CRPPA: variants seen among roughly 807,000 people sequenced by gnomAD.
CRPPA encodes the protein CDP-L-ribitol pyrophosphorylase A, also known as D-ribitol-5-phosphate cytidylyltransferase.
In CRPPA, 43 loss-of-function variants were observed where a neutral mutation model predicts 52.0. The observed-to-expected ratio is 0.83, with a 90% CI of 0.65 to 1.07. The LOEUF is 1.07. CRPPA is among the 50% of genes least tolerant of loss of function. The pLI, the probability that CRPPA is intolerant of heterozygous loss-of-function variation, is 0.00. For missense variants in CRPPA, 629 were observed against 551.7 expected (o/e 1.14, Z -1.40); for synonymous variants, 250 against 203.5 (o/e 1.23, Z -1.94).
At chr7:16,312,113 C>T (rs529011912) in intron 3 of CRPPA, among the ~76,000 whole-genome samples, 3 of 152,082 alleles carry the variant, frequency 2.0e-5, no homozygotes, top group East Asian at 3.9e-4. Context: ...AGGTCTTGTG[C>T]CTCTTCAGAT....
At chr7:16,122,471 CAT>C (rs1237561720) in intron 9 of CRPPA, among the ~76,000 whole-genome samples, 6 of 151,986 alleles carry the variant, frequency 3.9e-5, no homozygotes, top group South Asian at 4.1e-4. Context: ...TAAAAGTCAA[CAT>C]GTTCATAGGA....
intron 9 of CRPPA, among the ~76,000 whole-genome samples, chr7:16,145,351 G>C (rs1782954756): frequency 6.6e-6 from 1 of 152,182 alleles, no homozygotes; most frequent in Non-Finnish European, 1.5e-5. Flanking sequence ...TACCAGGTTA[G>C]AGAAGGCCTG....
rs1271756326 is a variant in CRPPA at position 16,286,093 on chromosome 7, A to T, written c.836-7867T>A. 4.8e-3 allele frequency among the ~76,000 whole-genome samples: 133 copies of T among 27,698 alleles called. 16 individuals carry two copies. The highest frequency in any genetic ancestry group is 0.029 in the African/African-American group (91 of 3,164). The allele number at this position is 27,698 out of a possible 152,430, so 18.2% of individuals were successfully genotyped here. ...TATATATATATATAATATTTAAAAA[A>T]AAAAATATATATATATATATATATG... On this transcript the variant is annotated intron_variant, in intron 5 of 9. Transcript: ENST00000407010.
chr7:16,294,328 A>G (rs182306999), intron 5 of CRPPA, among the ~76,000 whole-genome samples: 1 of 151,902 alleles, frequency 6.6e-6, no homozygotes, highest in Non-Finnish European at 1.5e-5. Flanking sequence ...TAATACCTCA[A>G]TGTGACCTTC....
At chr7:16,420,480 C>CAGTG (rs1255156584) in intron 1 of CRPPA, among the ~76,000 whole-genome samples, 1 of 152,180 alleles carries the variant, frequency 6.6e-6, no homozygotes, top group Non-Finnish European at 1.5e-5. Flanking sequence ...TAGTTAACTT[C>CAGTG]AGTGCCCTTT....
chr7:16,406,863 G>A (rs1787965636), intron 1 of CRPPA, among the ~76,000 whole-genome samples: 1 of 152,066 alleles, frequency 6.6e-6, no homozygotes, highest in Non-Finnish European at 1.5e-5. Flanking sequence ...TTAAATGGGA[G>A]AAACCGTTAT....
intron 2 of CRPPA, among the ~76,000 whole-genome samples, chr7:16,382,754 G>A (rs374147478): frequency 0.046 from 6,998 of 150,696 alleles, 239 homozygotes; most frequent in East Asian, 0.11. Context: ...ATCTTCCATC[G>A]CTGATACCCT....
chr7:16,212,871 C>T (rs1417780901), intron 9 of CRPPA, among the ~76,000 whole-genome samples: 1 of 151,950 alleles, frequency 6.6e-6, no homozygotes, highest in Non-Finnish European at 1.5e-5. Context: ...AAGAAACAAT[C>T]AGTTATAATA....
chr7:16,090,041 C>T lies in CRPPA; in HGVS notation c.*1654G>A, dbSNP rs1351693935. On this transcript the variant is annotated 3_prime_UTR_variant, in exon 10 of 10. Coordinates refer to ENST00000407010, the MANE Select transcript of CRPPA (RefSeq NM_001101426.4). ...CTTGGCAGCTGTGGTTTTCGTCACA[C>T]ACACAGCCGACATCTGAACAAAGGC... The T allele has an allele frequency of 2.0e-5, 3 of 153,032 alleles. No individual in the cohort carries two copies. The highest frequency in any genetic ancestry group is 3.9e-4 in the East Asian group (2 of 5,182). The allele number at this position is 153,032 out of a possible 1,614,324, so 9.5% of individuals were successfully genotyped here. A position where few individuals can be genotyped will look rare whatever the true frequency, so the allele number is the denominator to read the frequency against.
At chr7:16,236,981 A>C (rs61282805) in intron 8 of CRPPA, among the ~76,000 whole-genome samples, 53,826 of 150,574 alleles carry the variant, frequency 0.36, 10,333 homozygotes, top group Admixed American at 0.47. Context: ...CAAACTTTTG[A>C]ATATGAATAA....
chr7:16,218,955 A>G (rs1782417600), intron 8 of CRPPA, among the ~76,000 whole-genome samples: 1 of 152,234 alleles, frequency 6.6e-6, no homozygotes, highest in African/African-American at 2.4e-5. Context: ...ATAGACATCT[A>G]TAGAACTCTC....
At chr7:16,148,772 T>C (rs1783021573) in intron 9 of CRPPA, among the ~76,000 whole-genome samples, 1 of 152,108 alleles carries the variant, frequency 6.6e-6, no homozygotes, top group Non-Finnish European at 1.5e-5. Flanking sequence ...TGGAATGCAT[T>C]AGCTATTATA....
At chr7:16,392,170 A>T (rs2128315011) in intron 2 of CRPPA, among the ~76,000 whole-genome samples, 1 of 152,272 alleles carries the variant, frequency 6.6e-6, no homozygotes, top group African/African-American at 2.4e-5. Context: ...CTTTAGTACT[A>T]TAATATTTTA....
At chr7:16,291,461 T>C (rs1042866490) in intron 5 of CRPPA, among the ~76,000 whole-genome samples, 1 of 151,964 alleles carries the variant, frequency 6.6e-6, no homozygotes, top group Non-Finnish European at 1.5e-5. Flanking sequence ...GAAGTCATTA[T>C]TTTAAGTTAT....
intron 9 of CRPPA, among the ~76,000 whole-genome samples, chr7:16,157,259 A>T (rs1200248877): frequency 6.6e-6 from 1 of 151,866 alleles, no homozygotes; most frequent in East Asian, 1.9e-4. Flanking sequence ...TTGGAAGGAC[A>T]AAAGTGAGGA....
chr7:16,334,987 T>C (rs77813664), intron 3 of CRPPA, among the ~76,000 whole-genome samples: 13,078 of 151,736 alleles, frequency 0.086, 847 homozygotes, highest in African/African-American at 0.18. Flanking sequence ...GAAATGGAGA[T>C]GTGTGAAATG....
intron 6 of CRPPA, among the ~76,000 whole-genome samples, chr7:16,259,234 T>A (rs1783729309): frequency 6.6e-6 from 1 of 151,968 alleles, no homozygotes; most frequent in Admixed American, 6.6e-5. Flanking sequence ...TAGAAAATTG[T>A]TTCACATAGG....
intron 9 of CRPPA, among the ~76,000 whole-genome samples, chr7:16,181,931 CAT>C (rs1167063326): frequency 6.6e-6 from 1 of 151,648 alleles, no homozygotes; most frequent in African/African-American, 2.4e-5. Context: ...ATATATAGTT[CAT>C]ATATATACAT....
chr7:16,205,667 G>C (rs2128394680), intron 9 of CRPPA, among the ~76,000 whole-genome samples: 1 of 152,178 alleles, frequency 6.6e-6, no homozygotes, highest in East Asian at 1.9e-4. Flanking sequence ...CCATGGGCTA[G>C]AACTGGGAAG....
Sources: gnomAD v4.1 joint callset for allele counts (sites outside exome capture counted in the v4.1 genomes callset) on GRCh38, gnomAD v4.1.1 for gene constraint, MANE v1.5 for transcripts, NCBI Gene and HGNC (gene_info 2026-07-23, HGNC 2026-07-21) for gene names.